FBN2: variants seen among roughly 807,000 people sequenced by gnomAD.
The protein encoded by FBN2 is fibrillin 2.
Under a neutral mutation model 355.6 loss-of-function variants are expected in FBN2, and 105 were observed. The ratio of observed to expected loss-of-function variants is 0.30; its 90% confidence interval spans 0.25 to 0.35. The LOEUF (loss-of-function observed/expected upper bound fraction) is 0.35. Among genes scored for constraint, FBN2 ranks in the 10% least tolerant of loss-of-function variants. The probability of loss-of-function intolerance (pLI) is 1.00; values close to 1 mark genes in which losing one functional copy is unlikely to be tolerated. For synonymous variants in FBN2, 1,350 were observed against 1,301.2 expected, an observed-to-expected ratio of 1.04 and a Z score of -0.81; for missense variants, 3,280 against 3,758.7, an observed-to-expected ratio of 0.87 and a Z score of 3.33.
At chr5:128,403,355 T>G (rs1281471650) in intron 8 of FBN2, among the ~76,000 whole-genome samples, 1 of 152,250 alleles carries the variant, frequency 6.6e-6, no homozygotes, top group Non-Finnish European at 1.5e-5. Context: ...TGCCTTAGCA[T>G]GCTGTGGCAC....
chr5:128,325,470 C>T (rs1428348025), intron 34 of FBN2, among the ~76,000 whole-genome samples: 1 of 152,142 alleles, frequency 6.6e-6, no homozygotes, highest in East Asian at 1.9e-4. Flanking sequence ...GGTAAATATT[C>T]CTCCATCCCT....
chr5:128,385,814 G>A (rs1188066626), intron 11 of FBN2, among the ~76,000 whole-genome samples: 1 of 151,920 alleles, frequency 6.6e-6, no homozygotes, highest in African/African-American at 2.4e-5. Context: ...TTTTTCATAT[G>A]CTTTTTGTCT....
At chr5:128,336,643 C>G (rs1344095170) in intron 27 of FBN2, among the ~76,000 whole-genome samples, 3 of 152,294 alleles carry the variant, frequency 2.0e-5, no homozygotes, top group South Asian at 4.2e-4. Context: ...ATAGGGCCCT[C>G]ATGTATTTAA....
At chr5:128,260,349 G>C (rs546794516) in intron 64 of FBN2, among the ~76,000 whole-genome samples, 1 of 152,314 alleles carries the variant, frequency 6.6e-6, no homozygotes, top group African/African-American at 2.4e-5. Context: ...TACACAGAGT[G>C]AGTGATCTGC....
Position 128,354,791 on chromosome 5 carries a change from C to T in FBN2, c.2674+2485G>A, listed in dbSNP as rs186769413. 1.4e-3 allele frequency among the ~76,000 whole-genome samples: 219 copies of T among 152,254 alleles called. 1 individual carries two copies. Among genetic ancestry groups the T allele is most frequent in the Non-Finnish European group, 4.0e-4 (27 of 68,014 alleles). ...GAGATGGAAATGTTCCTGGGAGACT[C>T]AGGTTCAAGCCAGTACACAGGAATT... On this transcript the variant is annotated intron_variant, in intron 20 of 64. Transcript: ENST00000262464.
rs555904259 is a variant in FBN2, at chr5:128,524,266, A to C, written c.532+3606T>G. On this transcript the variant is annotated intron_variant, in intron 4 of 64. Transcript: ENST00000262464. ...AGGCACAGACTCGGATCTGTGTTTC[A>C]ATGTCACCTTCTCAGAGACCCCTGA... Among the ~76,000 whole-genome samples, 3 of 152,242 alleles carry C rather than the reference A, an allele frequency of 2.0e-5. No homozygotes were observed. In the South Asian group the frequency reaches 6.2e-4, roughly 32 times the overall value.
chr5:128,456,514 G>A (rs1395346663), intron 6 of FBN2, among the ~76,000 whole-genome samples: 2 of 152,166 alleles, frequency 1.3e-5, no homozygotes, highest in African/African-American at 4.8e-5. Context: ...GCGGTTGTCA[G>A]ACTCCTTATA....
At position 128,364,854 on chromosome 5, in the gene FBN2, TC is replaced by T. The variant is rs543638161; in HGVS notation, c.2303-130del. 163 of 771,798 alleles carry T rather than the reference TC, an allele frequency of 2.1e-4. No homozygotes were observed. The South Asian group carries it at 2.3e-3, about 11-fold the overall frequency. 47.8% of individuals were successfully genotyped at this position (771,798 alleles called of 1,614,324 possible). A position where few individuals can be genotyped will look rare whatever the true frequency, so the allele number is the denominator to read the frequency against. On this transcript the variant is annotated intron_variant, in intron 17 of 64. Transcript: ENST00000262464. Reference sequence around the variant, plus strand: ...TGCAAACTCACAATTTGCCTGCCTTTCAGAAAGGAAAAAGAACTGAAAACAA... The same window carrying T: ...TGCAAACTCACAATTTGCCTGCCTTTAGAAAGGAAAAAGAACTGAAAACAA...
rs753711335 is a variant in FBN2 at position 128,274,656 on chromosome 5, T to C, written c.7622A>G (p.His2541Arg). 5.6e-6 allele frequency: 9 copies of C among 1,612,294 alleles called. No individual in the cohort carries two copies. Among genetic ancestry groups the C allele is most frequent in the Admixed American group, 5.0e-5 (3 of 59,988 alleles). ...GTTGACACAGAGGAACTGGCAGTTA[T>C]GCTGCTTTGTTTGACATTCATCAAG... is the stretch of plus-strand genomic sequence containing the variant. The part of the protein sequence containing the change: ...KDLDECQTKQ[H>R]NCQFLCVNTL... Residue 2541 changes from histidine to arginine, a missense_variant, in exon 60 of 65, where the codon CAT becomes CGT. Transcript: ENST00000262464.
At position 128,480,010 on chromosome 5, in the gene FBN2, ATATATATATATATG is replaced by A. The variant is rs1363228445; in HGVS notation, c.629-15103_629-15090del. ...TATATATATATATATATATATATAT[ATATATATATATATG>A]TATATACACACACACACACACATAT... is the stretch of plus-strand genomic sequence containing the variant. On this transcript the variant is annotated intron_variant, in intron 5 of 64. Transcript: ENST00000262464. Among the ~76,000 whole-genome samples the A allele has an allele frequency of 8.2e-3, 642 of 78,504 alleles. 15 individuals carry two copies. The highest frequency in any genetic ancestry group is 0.013 in the African/African-American group (294 of 21,778). The allele number at this position is 78,504 out of a possible 152,430, so 51.5% of individuals were successfully genotyped here.
chr5:128,490,163 G>T (rs1250939272), intron 5 of FBN2, among the ~76,000 whole-genome samples: 1 of 152,030 alleles, frequency 6.6e-6, no homozygotes, highest in Non-Finnish European at 1.5e-5. Flanking sequence ...CTTATAATCA[G>T]AAAAAACATA....
intron 7 of FBN2, among the ~76,000 whole-genome samples, chr5:128,427,825 G>A (rs764730741): frequency 5.9e-5 from 9 of 152,098 alleles, no homozygotes; most frequent in Non-Finnish European, 1.3e-4. Context: ...TGGGCACCCT[G>A]CAATAAATGC....
intron 6 of FBN2, among the ~76,000 whole-genome samples, chr5:128,462,225 T>C (rs1260782126): frequency 6.6e-6 from 1 of 152,212 alleles, no homozygotes; most frequent in Admixed American, 6.5e-5. Context: ...TTTTTAACTC[T>C]GTAACACTTC....
At chr5:128,398,309 G>C (rs1752703587) in intron 8 of FBN2, among the ~76,000 whole-genome samples, 1 of 151,544 alleles carries the variant, frequency 6.6e-6, no homozygotes, top group East Asian at 1.9e-4. Context: ...TAAGTAACCA[G>C]TATATTTTTG....
intron 36 of FBN2, among the ~76,000 whole-genome samples, chr5:128,313,081 C>G (rs1020572039): frequency 6.6e-6 from 1 of 152,150 alleles, no homozygotes; most frequent in Non-Finnish European, 1.5e-5. Flanking sequence ...TTGGGACATA[C>G]TGGACCTCCA....
At chr5:128,418,429 T>C (rs1010114923) in intron 7 of FBN2, among the ~76,000 whole-genome samples, 4 of 152,144 alleles carry the variant, frequency 2.6e-5, no homozygotes, top group Non-Finnish European at 5.9e-5. Context: ...TTGAGGTGCA[T>C]CATTAATTGT....
chr5:128,368,583 T>C (rs893171089), intron 16 of FBN2, among the ~76,000 whole-genome samples: 5 of 151,316 alleles, frequency 3.3e-5, no homozygotes, highest in Non-Finnish European at 7.4e-5. Context: ...GTCTTCACCA[T>C]GACAGCACAG....
At chr5:128,462,408 A>G (rs1429035982) in intron 6 of FBN2, among the ~76,000 whole-genome samples, 2 of 152,226 alleles carry the variant, frequency 1.3e-5, no homozygotes, top group African/African-American at 2.4e-5. Context: ...GTCTTAAAAT[A>G]GCCTGAACTA....
chr5:128,286,402 G>T (rs1050484561), intron 55 of FBN2, among the ~76,000 whole-genome samples: 2 of 151,966 alleles, frequency 1.3e-5, no homozygotes, highest in Admixed American at 6.6e-5. Flanking sequence ...ATGAATTAGG[G>T]TTTACCTTTT....
Sources: allele counts gnomAD v4.1 joint callset (sites outside exome capture counted in the v4.1 genomes callset), GRCh38; gene constraint gnomAD v4.1.1; transcripts MANE v1.5; gene names NCBI Gene and HGNC (gene_info 2026-07-23, HGNC 2026-07-21).